PAQR8: variants seen among roughly 807,000 people sequenced by gnomAD.
PAQR8 encodes the protein membrane progestin receptor beta.
Under a neutral mutation model 25.2 loss-of-function variants are expected in PAQR8, and 17 were observed. The ratio of observed to expected loss-of-function variants is 0.67; its 90% confidence interval spans 0.46 to 1.01. The LOEUF is 1.01. PAQR8 is among the 50% of genes least tolerant of loss of function. The probability of loss-of-function intolerance (pLI) is 0.00; values close to 1 mark genes in which losing one functional copy is unlikely to be tolerated. For synonymous variants in PAQR8, 204 were observed against 190.6 expected (o/e 1.07, Z -0.58); for missense variants, 392 against 448.4 (o/e 0.87, Z 1.14).
chr6:52,370,393 A>G (rs1763403422), intron 1 of PAQR8, among the ~76,000 whole-genome samples: 1 of 152,236 alleles, frequency 6.6e-6, no homozygotes, highest in Non-Finnish European at 1.5e-5. Flanking sequence ...CTTAATAAGT[A>G]CCCAACACTG....
At chr6:52,375,040 G>T (rs1003296688) in intron 1 of PAQR8, among the ~76,000 whole-genome samples, 2 of 151,880 alleles carry the variant, frequency 1.3e-5, no homozygotes, top group Admixed American at 6.6e-5. Context: ...TTTTGAAATA[G>T]TTTTTTATTA....
chr6:52,376,131 A>G (rs79674638), intron 1 of PAQR8, among the ~76,000 whole-genome samples: 5,907 of 152,296 alleles, frequency 0.039, 311 homozygotes, highest in East Asian at 0.18. Context: ...TTCTCTTTTG[A>G]AGAAATTTGG....
At chr6:52,392,381 A>G (rs1284392813) in intron 1 of PAQR8, among the ~76,000 whole-genome samples, 1 of 151,868 alleles carries the variant, frequency 6.6e-6, no homozygotes, top group African/African-American at 2.4e-5. Context: ...TGATAGAGCT[A>G]GAACTAAACA....
chr6:52,364,762 G>A (rs1763333553), intron 1 of PAQR8, among the ~76,000 whole-genome samples: 1 of 152,180 alleles, frequency 6.6e-6, no homozygotes, highest in South Asian at 2.1e-4. Flanking sequence ...TCTCTTGAAA[G>A]ACTGGCAGTT....
Position 52,367,184 on chromosome 6 carries a change from A to C in PAQR8, c.-53+4935A>C, listed in dbSNP as rs527279485. On this transcript the variant is annotated intron_variant, in intron 1 of 1. Coordinates refer to ENST00000442253, the MANE Select transcript of PAQR8 (RefSeq NM_133367.5). ...GATGTTACTGGCATCTAATGAGTGG[A>C]GTCCAGAGATGCTGCTAACCATCCT... is the stretch of plus-strand genomic sequence containing the variant. 1.2e-3 allele frequency among the ~76,000 whole-genome samples: 178 copies of C among 152,154 alleles called. 1 individual carries two copies. The highest frequency in any genetic ancestry group is 2.2e-3 in the Non-Finnish European group (152 of 68,034).
At position 52,403,831 on chromosome 6, in the gene PAQR8, A is replaced by C. The variant is rs746800874; in HGVS notation, c.618A>C (p.Pro206=). The stretch of plus-strand genomic sequence containing the variant: ...AATATCGTTACCGGAGGCCTTATCC[A>C]GTCATGAGGAAGATCTGTCAAGTGG... ...YAKYRYRRPY[P]VMRKICQVVP... The change falls in exon 2 of 2, where the codon CCA becomes CCC. Residue 206 remains proline, a synonymous_variant. Transcript: ENST00000442253. 3 of 1,614,196 alleles carry C rather than the reference A, an allele frequency of 1.9e-6. No homozygotes were observed. In the African/African-American group the frequency reaches 4.0e-5, roughly 22 times the overall value.
At position 52,407,678 on chromosome 6, in the gene PAQR8, C is replaced by CCAAA. The variant is rs1763928178; in HGVS notation, c.*3400_*3401insCAAA. 1.4e-5 allele frequency: 1 copy of CCAAA among 72,800 alleles called. No individual in the cohort carries two copies. Among genetic ancestry groups the CCAAA allele is most frequent in the Non-Finnish European group, 2.4e-5 (1 of 41,840 alleles). 4.5% of individuals were successfully genotyped at this position (72,800 alleles called of 1,614,324 possible). ...TTGGTCTTGTGTTTTGCTTGCTTGG[C>CCAAA]AAAAAAAAAAAAAAAAAAAAAAAAA... On this transcript the variant is annotated 3_prime_UTR_variant, in exon 2 of 2. Coordinates refer to ENST00000442253, the MANE Select transcript of PAQR8 (RefSeq NM_133367.5).
At chr6:52,397,159 G>A (rs907708142) in intron 1 of PAQR8, among the ~76,000 whole-genome samples, 5 of 152,122 alleles carry the variant, frequency 3.3e-5, no homozygotes, top group African/African-American at 1.2e-4. Context: ...CATTAAAACA[G>A]GGTAATAGTT....
intron 1 of PAQR8, among the ~76,000 whole-genome samples, chr6:52,377,989 A>G (rs1231235895): frequency 6.6e-6 from 1 of 152,206 alleles, no homozygotes; most frequent in Non-Finnish European, 1.5e-5. Flanking sequence ...ATAAAAGTTT[A>G]GGGTGTGGGC....
In PAQR8 at chr6:52,362,806, G is replaced by A. The variant is rs1411913506; in HGVS notation, c.-53+557G>A. The stretch of plus-strand genomic sequence containing the variant: ...GAGAGCCCGAGGAAGGGCAGCCCGA[G>A]GTAGGGGAACCCCGGAAAGAGTAGG... On this transcript the variant is annotated intron_variant, in intron 1 of 1. Coordinates refer to ENST00000442253, the MANE Select transcript of PAQR8 (RefSeq NM_133367.5). The surrounding 1 kb of genome is among the most constrained non-coding windows in gnomAD (Gnocchi z 4.1). 6.6e-6 allele frequency among the ~76,000 whole-genome samples: 1 copy of A among 152,196 alleles called. No homozygotes were observed. Among genetic ancestry groups the A allele is most frequent in the African/African-American group, 2.4e-5 (1 of 41,456 alleles).
intron 1 of PAQR8, among the ~76,000 whole-genome samples, chr6:52,379,961 A>G (rs1349917180): frequency 1.3e-5 from 2 of 151,132 alleles, no homozygotes; most frequent in Non-Finnish European, 2.9e-5. Flanking sequence ...GGGTTTCACC[A>G]TGTTGGCCAG....
chr6:52,369,544 A>G (rs1467318808), intron 1 of PAQR8, among the ~76,000 whole-genome samples: 1 of 152,244 alleles, frequency 6.6e-6, no homozygotes, highest in Non-Finnish European at 1.5e-5. Flanking sequence ...GGTTCAAAAT[A>G]AATCCGTAGT....
In PAQR8 at chr6:52,406,451, C is replaced by A. The variant is rs554427569; in HGVS notation, c.*2173C>A. 2 of 413,478 alleles carry A rather than the reference C, an allele frequency of 4.8e-6. No homozygotes were observed. Among genetic ancestry groups the A allele is most frequent in the African/African-American group, 4.1e-5 (2 of 48,752 alleles). 25.6% of individuals were successfully genotyped at this position (413,478 alleles called of 1,614,324 possible). A position where few individuals can be genotyped will look rare whatever the true frequency, so the allele number is the denominator to read the frequency against. On this transcript the variant is annotated 3_prime_UTR_variant, in exon 2 of 2. Coordinates refer to ENST00000442253, the MANE Select transcript of PAQR8 (RefSeq NM_133367.5). ...GATGGGTGCACAGACCAGTGCCAAT[C>A]TGAACATTGTTAATGGCCTGTGACA...
chr6:52,382,900 T>TC (rs1276408479), intron 1 of PAQR8, among the ~76,000 whole-genome samples: 2 of 152,088 alleles, frequency 1.3e-5, no homozygotes, highest in African/African-American at 4.8e-5. Flanking sequence ...GAGCAAGCAG[T>TC]CCTCCCCCTT....
At chr6:52,364,081 A>ATTTTTTTTTTTT (rs1581786362) in intron 1 of PAQR8, among the ~76,000 whole-genome samples, 1 of 39,068 alleles carries the variant, frequency 2.6e-5, no homozygotes, top group Non-Finnish European at 5.7e-5. Flanking sequence ...ATTGAAAGAT[A>ATTTTTTTTTTTT]TGTTTTTTTT....
At chr6:52,400,340 A>G (rs1177190446) in intron 1 of PAQR8, among the ~76,000 whole-genome samples, 2 of 152,250 alleles carry the variant, frequency 1.3e-5, no homozygotes, top group Non-Finnish European at 2.9e-5. Flanking sequence ...AATGGCAAGT[A>G]GTTATGCAGA....
At chr6:52,390,067 T>G (rs1049415111) in intron 1 of PAQR8, among the ~76,000 whole-genome samples, 10 of 152,194 alleles carry the variant, frequency 6.6e-5, no homozygotes, top group African/African-American at 2.4e-4. Flanking sequence ...ACAAGAAGCC[T>G]CAGAAGAACA....
At chr6:52,397,071 T>C (rs1763775404) in intron 1 of PAQR8, among the ~76,000 whole-genome samples, 1 of 152,040 alleles carries the variant, frequency 6.6e-6, no homozygotes, top group Non-Finnish European at 1.5e-5. Flanking sequence ...CCAGAGAGGG[T>C]AGTGTCATTG....
chr6:52,403,830 C>T lies in PAQR8; in HGVS notation c.617C>T (p.Pro206Leu), dbSNP rs1188449236. 4 of 1,614,104 alleles carry T rather than the reference C, an allele frequency of 2.5e-6. No homozygotes were observed. Among genetic ancestry groups the T allele is most frequent in the Non-Finnish European group, 3.4e-6 (4 of 1,180,052 alleles). ...AAATATCGTTACCGGAGGCCTTATC[C>T]AGTCATGAGGAAGATCTGTCAAGTG... ...YAKYRYRRPY[P>L]VMRKICQVVP... Residue 206 changes from proline (P) to leucine (L), a missense_variant, in exon 2 of 2, where the codon CCA becomes CTA. By Grantham distance (98) the Pro-to-Leu change is moderately conservative. Transcript: ENST00000442253.
Sources: allele counts gnomAD v4.1 joint callset (sites outside exome capture counted in the v4.1 genomes callset), GRCh38; gene constraint gnomAD v4.1.1; non-coding constraint Gnocchi (gnomAD v3.1); transcripts MANE v1.5; gene names NCBI Gene and HGNC (gene_info 2026-07-23, HGNC 2026-07-21).